Variants in CAPN15 observed in about 807,000 individuals in gnomAD.
CAPN15 encodes calpain-15.
In CAPN15, 53 loss-of-function variants were observed where a neutral mutation model predicts 97.9. The ratio of observed to expected loss-of-function variants is 0.54; its 90% confidence interval spans 0.43 to 0.68. CAPN15 has a LOEUF of 0.68. Ranked by LOEUF, CAPN15 falls within the 30% of genes least tolerant of loss-of-function variation. The probability of loss-of-function intolerance (pLI) is 0.00; values close to 1 mark genes in which losing one functional copy is unlikely to be tolerated. For missense variants in CAPN15, 1,592 were observed against 1,589.8 expected, an observed-to-expected ratio of 1.00 and a Z score of -0.02; for synonymous variants, 922 against 722.5, an observed-to-expected ratio of 1.28 and a Z score of -4.43.
Position 551,570 on chromosome 16 carries a change from G to C in CAPN15, c.2251G>C (p.Glu751Gln). ...CTCCTGGAACGGCAGCTGGTCCGACGAGTGGCCACACTGGCCGGGGCACCT... is the reference window on the plus strand; with the variant it reads ...CTCCTGGAACGGCAGCTGGTCCGACCAGTGGCCACACTGGCCGGGGCACCT... The part of the protein sequence containing the change: ...RFSWNGSWSD[E>Q]WPHWPGHLRG... Residue 751 changes from glutamate to glutamine, a missense_variant, in exon 9 of 14, where the codon GAG becomes CAG. By Grantham distance (29) the Glu-to-Gln change is conservative. Around this residue, in one of 3 missense-constraint regions of CAPN15, gnomAD observed 644 missense variants for 699.6 expected, o/e 0.92. Coordinates refer to ENST00000219611, the MANE Select transcript of CAPN15 (RefSeq NM_005632.3). 3 of 1,611,416 alleles carry C rather than the reference G, an allele frequency of 1.9e-6. No individual in the cohort carries two copies. The highest frequency in any genetic ancestry group is 2.5e-6 in the Non-Finnish European group (3 of 1,179,534).
At chr16:537,221 GC>G (rs2033797671) in intron 3 of CAPN15, 1 of 985,380 alleles carries the variant, frequency 1.0e-6, no homozygotes. Context: ...TCCAGATGGG[GC>G]CCACAGGGTC....
chr16:529,897 A>T (rs1396389612), intron 1 of CAPN15, among the ~76,000 whole-genome samples: 1 of 152,178 alleles, frequency 6.6e-6, no homozygotes, highest in Non-Finnish European at 1.5e-5. Flanking sequence ...CATAAGACAC[A>T]GAAGAAGGAG....
chr16:551,901 G>C, intron 9 of CAPN15, 150 bp from the exon 10 acceptor site: 1 of 1,016,816 alleles, frequency 9.8e-7, no homozygotes, highest in Non-Finnish European at 1.5e-6. Flanking sequence ...ATAGGCCTCA[G>C]GGATGGGCCC....
In CAPN15 at chr16:549,898, G is replaced by C. The variant is rs1035341127; in HGVS notation, c.2066+60G>C. 21 of 1,347,692 alleles carry C rather than the reference G, an allele frequency of 1.6e-5. No individual in the cohort carries two copies. The Admixed American group carries it at 3.4e-4, about 22-fold the overall frequency. 83.5% of individuals were successfully genotyped at this position (1,347,692 alleles called of 1,614,324 possible). A position where few individuals can be genotyped will look rare whatever the true frequency, so the allele number is the denominator to read the frequency against. On this transcript the variant is annotated intron_variant, in intron 7 of 13. Transcript: ENST00000219611. The stretch of plus-strand genomic sequence containing the variant: ...GGGAGGAGAGGCGAGGCGGAGCGGT[G>C]GGAGATGTGGGGCTGGTGGCCCCTG...
intron 1 of CAPN15, among the ~76,000 whole-genome samples, chr16:532,460 C>T (rs770279156): frequency 4.6e-5 from 7 of 150,730 alleles, no homozygotes; most frequent in Non-Finnish European, 1.0e-4. Context: ...GAGGCTGAGA[C>T]ACTAGAATTG....
rs777822641 is a variant in CAPN15, at chr16:549,758, G to A, written c.1986G>A (p.Gln662=). 4 of 1,591,546 alleles carry A rather than the reference G, an allele frequency of 2.5e-6. No individual in the cohort carries two copies. In the Admixed American group the frequency reaches 6.9e-5, roughly 27 times the overall value. Residue 662 remains glutamine (Q), a synonymous_variant, in exon 7 of 14, where the codon CAG becomes CAA. Coordinates refer to ENST00000219611, the MANE Select transcript of CAPN15 (RefSeq NM_005632.3). ...CCCCCTGTGAGAGCCTGGCGCTGCA[G>A]CTCAGCTCCACTAACCCCCGCGAGG... ...TGAPCESLAL[Q]LSSTNPREEP...
intron 1 of CAPN15, among the ~76,000 whole-genome samples, chr16:533,456 C>T (rs982989765): frequency 3.9e-5 from 6 of 152,138 alleles, no homozygotes; most frequent in African/African-American, 1.4e-4. Flanking sequence ...GGGCTGGGGT[C>T]CGGGGGAGTC....
intron 5 of CAPN15, 25 bp from the exon 6 acceptor site, chr16:549,263 G>T: frequency 6.4e-7 from 1 of 1,565,220 alleles, no homozygotes. Flanking sequence ...CGGTCCCCGC[G>T]AGGTCACCCT....
At chr16:553,249 A>G (rs1437868078) in intron 13 of CAPN15, 90 bp from the exon 14 acceptor site, 16 of 688,208 alleles carry the variant, frequency 2.3e-5, no homozygotes, top group Non-Finnish European at 3.4e-5. Context: ...TTGTCACCCC[A>G]CTCCTGCTCC....
chr16:553,788 A>C lies in CAPN15; in HGVS notation c.*272A>C. The C allele has an allele frequency of 1.8e-5, 6 of 342,134 alleles. No individual in the cohort carries two copies. The highest frequency in any genetic ancestry group is 7.7e-4 in the Middle Eastern group (1 of 1,294). The allele number at this position is 342,134 out of a possible 1,614,324, so 21.2% of individuals were successfully genotyped here. A position where few individuals can be genotyped will look rare whatever the true frequency, so the allele number is the denominator to read the frequency against. ...CCAGCCCCGCTCACCTGCCAGCCCCAACACCCGACGGGGGCCGAGGCCAGG... is the reference window on the plus strand; with the variant it reads ...CCAGCCCCGCTCACCTGCCAGCCCCCACACCCGACGGGGGCCGAGGCCAGG... On this transcript the variant is annotated 3_prime_UTR_variant, in exon 14 of 14. Coordinates refer to ENST00000219611, the MANE Select transcript of CAPN15 (RefSeq NM_005632.3).
chr16:549,533 A>G, intron 6 of CAPN15, 62 bp downstream of exon 6: 1 of 1,347,562 alleles, frequency 7.4e-7, no homozygotes, highest in Non-Finnish European at 9.8e-7. Context: ...AGCCCCGAAA[A>G]CAAGGCCGGC....
In CAPN15 at chr16:549,806, C is replaced by T. The variant is rs1218756336; in HGVS notation, c.2034C>T (p.Ile678=). The change falls in exon 7 of 14, where the codon ATC becomes ATT. Residue 678 remains isoleucine (I), a synonymous_variant. Transcript: ENST00000219611. ...AGGAGCCCGTTGACACTGACCTCAT[C>T]TGGGCCAAAATGCTGAGTTCTAAGG... ...PREEPVDTDL[I]WAKMLSSKEA... 6.3e-7 allele frequency: 1 copy of T among 1,588,628 alleles called. No homozygotes were observed. Among genetic ancestry groups the T allele is most frequent in the Non-Finnish European group, 8.6e-7 (1 of 1,167,282 alleles).
At position 552,380 on chromosome 16, in the gene CAPN15, C is replaced by T; in HGVS notation, c.2587C>T (p.Leu863Phe). The T allele has an allele frequency of 6.2e-7, 1 of 1,604,046 alleles. No homozygotes were observed. The highest frequency in any genetic ancestry group is 1.3e-5 in the African/African-American group (1 of 74,930). ...GGCCACGTTCGGCAGCGGCGGCCAC[C>T]TCAGCCTGGGCCGCCTCCTGGCCCA... Reference protein sequence around the residue: ...FRATFGSGGHLSLGRLLAHSK... With the variant: ...FRATFGSGGHFSLGRLLAHSK... The change falls in exon 11 of 14, where the codon CTC becomes TTC. Residue 863 changes from leucine (L) to phenylalanine (F), a missense_variant. Leu to Phe is a conservative substitution (Grantham distance 22). Coordinates refer to ENST00000219611, the MANE Select transcript of CAPN15 (RefSeq NM_005632.3). This position sits in a 1 kb window ranked among gnomAD's most constrained non-coding sequence, Gnocchi z 6.4.
chr16:527,938 T>C lies in CAPN15; in HGVS notation c.-281T>C, dbSNP rs2032963987. The C allele has an allele frequency of 7.0e-6, 1 of 142,696 alleles. No homozygotes were observed. The highest frequency in any genetic ancestry group is 1.5e-5 in the Non-Finnish European group (1 of 64,666). 8.8% of individuals were successfully genotyped at this position (142,696 alleles called of 1,614,324 possible). A position where few individuals can be genotyped will look rare whatever the true frequency, so the allele number is the denominator to read the frequency against. On this transcript the variant is annotated 5_prime_UTR_variant, in exon 1 of 14. Transcript: ENST00000219611. Reference sequence around the variant, plus strand: ...CCCCGCCGCTCTCCGGAGGCAGAAGTTGTGGATCGGCCGGCGGGGGCGAGC... The same window carrying C: ...CCCCGCCGCTCTCCGGAGGCAGAAGCTGTGGATCGGCCGGCGGGGGCGAGC...
In CAPN15 at chr16:548,941, G is replaced by A; in HGVS notation, c.1450-52G>A. The stretch of plus-strand genomic sequence containing the variant: ...CTGGGTGGGGTCTTGTCCCTGCCAG[G>A]TGGAGCGAGGCCACCCTGCCCAGCC... On this transcript the variant is annotated intron_variant, in intron 4 of 13. Transcript: ENST00000219611. 1.9e-6 allele frequency: 3 copies of A among 1,563,498 alleles called. No individual in the cohort carries two copies. In the South Asian group the frequency reaches 3.3e-5, roughly 17 times the overall value.
rs1283652673 is a variant in CAPN15, at chr16:548,114, G to A, written c.1276G>A (p.Ala426Thr). ...CTGCCCTGCCTGTACCCTGCTCAAC[G>A]CACTGCGGGCCAAGCACTGCGCCGC... ...WACPACTLLN[A>T]LRAKHCAACH... is the part of the protein sequence containing the mutation. The change falls in exon 4 of 14, where the codon GCA (alanine) becomes ACA (threonine). Residue 426 changes from alanine (A) to threonine (T), a missense_variant. Physicochemically the swap from Ala to Thr is moderately conservative, Grantham distance 58. Around this residue, in one of 3 missense-constraint regions of CAPN15, gnomAD observed 883 missense variants for 776.6 expected, o/e 1.14. Coordinates refer to ENST00000219611, the MANE Select transcript of CAPN15 (RefSeq NM_005632.3). 7.8e-6 allele frequency: 12 copies of A among 1,537,018 alleles called. No homozygotes were observed. Among genetic ancestry groups the A allele is most frequent in the Admixed American group, 3.9e-5 (2 of 50,904 alleles).
At position 554,557 on chromosome 16, in the gene CAPN15, C is replaced by A; in HGVS notation, c.*1041C>A. The A allele has an allele frequency of 2.2e-6, 1 of 456,264 alleles. No individual in the cohort carries two copies. The highest frequency in any genetic ancestry group is 4.4e-6 in the Non-Finnish European group (1 of 226,758). 28.3% of individuals were successfully genotyped at this position (456,264 alleles called of 1,614,324 possible). ...AGACTATTTTATCAATTGTCAGTCCCGTTCCTTTACCATAGGATTCTCCAC... is the reference window on the plus strand; with the variant it reads ...AGACTATTTTATCAATTGTCAGTCCAGTTCCTTTACCATAGGATTCTCCAC... On this transcript the variant is annotated 3_prime_UTR_variant, in exon 14 of 14. Transcript: ENST00000219611.
In CAPN15 at chr16:547,512, A is replaced by G. The variant is rs1441161047; in HGVS notation, c.674A>G (p.Glu225Gly). ...ATSQGPAAEP[E>G]PPRVPPFSPF... is the part of the protein sequence containing the mutation. ...AGCCAGGGCCCAGCTGCCGAACCAG[A>G]GCCGCCCAGGGTCCCGCCCTTCAGC... The change falls in exon 4 of 14, where the codon GAG (glutamate) becomes GGG (glycine). Residue 225 changes from glutamate to glycine, a missense_variant. By Grantham distance (98) the Glu-to-Gly change is moderately conservative. Around this residue, in one of 3 missense-constraint regions of CAPN15, gnomAD observed 883 missense variants for 776.6 expected, o/e 1.14. Transcript: ENST00000219611. The G allele has an allele frequency of 6.3e-7, 1 of 1,598,274 alleles. No homozygotes were observed. Among genetic ancestry groups the G allele is most frequent in the Admixed American group, 1.7e-5 (1 of 59,936 alleles).
intron 3 of CAPN15, among the ~76,000 whole-genome samples, chr16:536,423 C>G (rs1420636679): frequency 2.8e-5 from 3 of 105,680 alleles, no homozygotes; most frequent in African/African-American, 1.6e-4. Flanking sequence ...GGGCTGGGAG[C>G]CTATTTTTTT....
Sources: allele counts gnomAD v4.1 joint callset (sites outside exome capture counted in the v4.1 genomes callset), GRCh38; gene constraint gnomAD v4.1.1; regional missense constraint gnomAD v4.1.1; non-coding constraint Gnocchi (gnomAD v3.1); transcripts MANE v1.5; gene names NCBI Gene and HGNC (gene_info 2026-07-23, HGNC 2026-07-21).